Variants in FAM185A observed in about 807,000 individuals in gnomAD.
FAM185A encodes family with sequence similarity 185 member A, also known as protein FAM185A.
FAM185A carries 21 observed loss-of-function variants against 45.7 expected under a neutral mutation model. That is an observed-to-expected ratio of 0.46 (90% confidence interval 0.33 to 0.66). FAM185A has a LOEUF of 0.66. Ranked by LOEUF, FAM185A falls within the 30% of genes least tolerant of loss-of-function variation. The pLI is 0.03. For synonymous variants in FAM185A, 117 were observed against 194.0 expected (o/e 0.60, Z 3.30); for missense variants, 305 against 485.4 (o/e 0.63, Z 3.49).
At chr7:102,831,825 T>G in the FAM185A span, among the ~76,000 whole-genome samples, 1 of 152,282 alleles carries the variant, frequency 6.6e-6, no homozygotes, top group Admixed American at 6.5e-5. Flanking sequence ...CTTATCCATA[T>G]GGGCCCTCAC....
the FAM185A span, among the ~76,000 whole-genome samples, chr7:102,829,939 A>G: frequency 6.6e-6 from 1 of 152,194 alleles, no homozygotes; most frequent in Non-Finnish European, 1.5e-5. Context: ...GATGGTCCCC[A>G]CATCTTCTCA....
At chr7:102,764,987 A>G (rs1012207988) in intron 4 of FAM185A, among the ~76,000 whole-genome samples, 1 of 152,288 alleles carries the variant, frequency 6.6e-6, no homozygotes, top group African/African-American at 2.4e-5. Context: ...GAGTACCTAA[A>G]TTGGCCAGCC....
chr7:102,811,361 A>T (rs936729257), downstream of FAM185A, among the ~76,000 whole-genome samples: 3 of 152,220 alleles, frequency 2.0e-5, no homozygotes, highest in African/African-American at 7.2e-5. Context: ...AATATCTTTG[A>T]TATTTTGAGT....
intron 6 of FAM185A, among the ~76,000 whole-genome samples, chr7:102,786,950 G>C (rs1795842260): frequency 6.6e-6 from 1 of 152,042 alleles, no homozygotes; most frequent in African/African-American, 2.4e-5. Flanking sequence ...ACCTCATAAA[G>C]TTAATATGGG....
chr7:102,780,133 G>C (rs893812530), intron 6 of FAM185A, among the ~76,000 whole-genome samples: 10 of 152,168 alleles, frequency 6.6e-5, no homozygotes, highest in Middle Eastern at 3.4e-3. Flanking sequence ...GGAAGACCAA[G>C]AAATTACTTA....
In FAM185A at chr7:102,798,959, G is replaced by A. The variant is rs538425127; in HGVS notation, c.1067-9331G>A. Among the ~76,000 whole-genome samples the A allele has an allele frequency of 2.0e-5, 3 of 152,260 alleles. No homozygotes were observed. The South Asian group carries it at 6.2e-4, about 32-fold the overall frequency. On this transcript the variant is annotated intron_variant, in intron 7 of 7. Transcript: ENST00000413034. ...GATGGGGTTTCACCATGTTGGCCAG[G>A]CTGGTCTCAAACTCCTGACGTCAGG...
the FAM185A span, among the ~76,000 whole-genome samples, chr7:102,829,883 C>T: frequency 1.3e-5 from 2 of 152,148 alleles, no homozygotes; most frequent in Admixed American, 6.5e-5. Context: ...GGACCACAGC[C>T]TTATGAATTC....
chr7:102,832,788 C>T, the FAM185A span: 163 of 1,609,330 alleles, frequency 1.0e-4, no homozygotes, highest in Non-Finnish European at 1.4e-4. Context: ...CCTGCCTTGT[C>T]CCTTGGCAGT....
chr7:102,782,382 G>A (rs1187394853), intron 6 of FAM185A, among the ~76,000 whole-genome samples: 1 of 152,174 alleles, frequency 6.6e-6, no homozygotes, highest in Non-Finnish European at 1.5e-5. Context: ...AGGAAAAAAT[G>A]TTAAGGGCAG....
the FAM185A span, among the ~76,000 whole-genome samples, chr7:102,819,445 C>T: frequency 2.0e-5 from 3 of 152,102 alleles, no homozygotes; most frequent in African/African-American, 4.8e-5. Context: ...TGCTCATTGA[C>T]CAAAAGTTTG....
At chr7:102,750,267 G>A (rs1178233935) in intron 1 of FAM185A, among the ~76,000 whole-genome samples, 2 of 152,158 alleles carry the variant, frequency 1.3e-5, no homozygotes, top group Non-Finnish European at 2.9e-5. Context: ...TTCCTAAATG[G>A]CAAGCCACTG....
chr7:102,815,857 T>C, the FAM185A span, among the ~76,000 whole-genome samples: 1 of 152,000 alleles, frequency 6.6e-6, no homozygotes, highest in Non-Finnish European at 1.5e-5. Flanking sequence ...TAGATGGTAA[T>C]TGTGACATAA....
At chr7:102,806,976 C>T (rs958723731) in intron 7 of FAM185A, among the ~76,000 whole-genome samples, 2 of 152,122 alleles carry the variant, frequency 1.3e-5, no homozygotes, top group African/African-American at 4.8e-5. Flanking sequence ...CATGAACAGT[C>T]AGCAAAGTAC....
chr7:102,819,047 G>A, the FAM185A span, among the ~76,000 whole-genome samples: 1 of 152,066 alleles, frequency 6.6e-6, no homozygotes, highest in African/African-American at 2.4e-5. Flanking sequence ...GTGAGAACAT[G>A]CGTTATTTGG....
chr7:102,776,391 C>T (rs780208736), intron 5 of FAM185A, among the ~76,000 whole-genome samples: 1 of 151,882 alleles, frequency 6.6e-6, no homozygotes, highest in Non-Finnish European at 1.5e-5. Flanking sequence ...TGACTGTTTT[C>T]CCTTGAACTT....
chr7:102,834,473 A>ATATATATGTGTG, the FAM185A span: 36 of 141,540 alleles, frequency 2.5e-4, 1 homozygote, highest in Admixed American at 1.9e-3. Context: ...ATATATATAT[A>ATATATATGTGTG]TGTGATGTGG....
At chr7:102,795,534 C>T (rs1453217745) in intron 7 of FAM185A, among the ~76,000 whole-genome samples, 1 of 152,100 alleles carries the variant, frequency 6.6e-6, no homozygotes, top group Non-Finnish European at 1.5e-5. Flanking sequence ...AGAGAGTCTC[C>T]AGGCTCCAGT....
chr7:102,783,008 T>C (rs980569734), intron 6 of FAM185A, among the ~76,000 whole-genome samples: 2 of 151,632 alleles, frequency 1.3e-5, no homozygotes, highest in African/African-American at 2.4e-5. Context: ...TCCTAGTCTC[T>C]GATAAAACAG....
chr7:102,797,798 TTAA>T (rs899186270), intron 7 of FAM185A, among the ~76,000 whole-genome samples: 1 of 152,198 alleles, frequency 6.6e-6, no homozygotes, highest in African/African-American at 2.4e-5. Context: ...TCTGCTATTA[TTAA>T]TAATAAGGCA....
Sources: allele counts gnomAD v4.1 joint callset (sites outside exome capture counted in the v4.1 genomes callset), GRCh38; gene constraint gnomAD v4.1.1; transcripts MANE v1.5; gene names NCBI Gene and HGNC (gene_info 2026-07-23, HGNC 2026-07-21).